Variants in HYDIN observed in about 807,000 individuals in gnomAD.
HYDIN encodes axonemal central pair apparatus protein HYDIN.
A neutral mutation model predicts 403.9 loss-of-function variants in HYDIN; 132 were observed. The ratio of observed to expected loss-of-function variants is 0.33; its 90% CI spans 0.28 to 0.38. HYDIN has a LOEUF of 0.38. Ranked by LOEUF, HYDIN falls within the 10% of genes least tolerant of loss-of-function variation. The probability of loss-of-function intolerance (pLI) is 1.00; values close to 1 mark genes in which losing one functional copy is unlikely to be tolerated. For missense variants in HYDIN, 2,827 were observed against 5,009.5 expected (o/e 0.56, Z 13.15); for synonymous variants, 1,202 against 1,891.7 (o/e 0.64, Z 9.46).
chr16:71,206,812 G>A (rs2088324444), intron 1 of HYDIN, among the ~76,000 whole-genome samples: 1 of 152,200 alleles, frequency 6.6e-6, no homozygotes, highest in African/African-American at 2.4e-5. Flanking sequence ...AGACTAGGCT[G>A]AGGAAAGACT....
At position 71,110,830 on chromosome 16, in the gene HYDIN, C is replaced by A. The variant is rs554978221; in HGVS notation, c.1327+4866G>T. ...GTGGCAGAATAGGGGAATTGCTGCACTTGAAGGATGCAAATGATGTGCATT... is the reference window on the plus strand; with the variant it reads ...GTGGCAGAATAGGGGAATTGCTGCAATTGAAGGATGCAAATGATGTGCATT... On this transcript the variant is annotated intron_variant, in intron 10 of 85. Coordinates refer to ENST00000393567, the MANE Select transcript of HYDIN (RefSeq NM_001270974.2). Among the ~76,000 whole-genome samples the A allele has an allele frequency of 1.1e-4, 13 of 123,016 alleles. No homozygotes were observed. In the East Asian group the frequency reaches 2.9e-3, roughly 28 times the overall value. The allele number at this position is 123,016 out of a possible 152,430, so 80.7% of individuals were successfully genotyped here. A position where few individuals can be genotyped will look rare whatever the true frequency, so the allele number is the denominator to read the frequency against.
rs753239517 is a variant in HYDIN, at chr16:70,952,650, T to C, written c.6317-15A>G. 4 of 1,465,726 alleles carry C rather than the reference T, an allele frequency of 2.7e-6. No homozygotes were observed. Among genetic ancestry groups the C allele is most frequent in the Non-Finnish European group, 2.7e-6 (3 of 1,098,704 alleles). 90.8% of individuals were successfully genotyped at this position (1,465,726 alleles called of 1,614,324 possible). ...TGCCTCCTGGGCTATAAGGAGAGGGTGAATTTTTATTAAAAGTCACCTTAG... is the reference window on the plus strand; with the variant it reads ...TGCCTCCTGGGCTATAAGGAGAGGGCGAATTTTTATTAAAAGTCACCTTAG... On this transcript the variant is annotated splice_polypyrimidine_tract_variant and intron_variant, in intron 40 of 85. Transcript: ENST00000393567.
At chr16:71,171,043 G>A (rs1451420592) in intron 5 of HYDIN, among the ~76,000 whole-genome samples, 1 of 152,166 alleles carries the variant, frequency 6.6e-6, no homozygotes, top group African/African-American at 2.4e-5. Context: ...CACTTTGCAT[G>A]GCTTCTAAGA....
chr16:71,179,158 T>C, intron 3 of HYDIN, 111 bp from the exon 4 acceptor site: 1 of 766,354 alleles, frequency 1.3e-6, no homozygotes, highest in South Asian at 2.3e-5. Context: ...ACATGGGAAA[T>C]ATTCAAAAAG....
chr16:70,974,471 C>G (rs1413604698), intron 32 of HYDIN, 63 bp downstream of exon 32: 22 of 1,411,882 alleles, frequency 1.6e-5, no homozygotes, highest in Non-Finnish European at 2.1e-5. Context: ...GAGGACAGTA[C>G]TGATGGGTTC....
chr16:70,837,171 G>A (rs1271862800), intron 77 of HYDIN, among the ~76,000 whole-genome samples: 1 of 152,162 alleles, frequency 6.6e-6, no homozygotes, highest in East Asian at 1.9e-4. Flanking sequence ...TATCCAGAGT[G>A]CCTCAGTAAA....
chr16:70,869,767 A>T (rs2039988293), intron 65 of HYDIN, among the ~76,000 whole-genome samples: 1 of 151,502 alleles, frequency 6.6e-6, no homozygotes, highest in Non-Finnish European at 1.5e-5. Flanking sequence ...GTAAATTGGT[A>T]CTGGTATAGT....
At chr16:71,181,284 A>G (rs1000699927) in intron 3 of HYDIN, among the ~76,000 whole-genome samples, 1 of 151,782 alleles carries the variant, frequency 6.6e-6, no homozygotes, top group Non-Finnish European at 1.5e-5. Context: ...AATAGACAAG[A>G]TACATTCGAA....
At chr16:71,160,328 C>A in intron 6 of HYDIN, among the ~76,000 whole-genome samples, 1 of 148,336 alleles carries the variant, frequency 6.7e-6, no homozygotes. Flanking sequence ...GGAGACAAGG[C>A]CTCACAATGG....
intron 18 of HYDIN, among the ~76,000 whole-genome samples, chr16:71,048,218 A>T (rs1348835343): frequency 6.6e-6 from 1 of 151,402 alleles, no homozygotes; most frequent in Non-Finnish European, 1.5e-5. Context: ...TATATATATC[A>T]CATTTTCTTT....
intron 37 of HYDIN, among the ~76,000 whole-genome samples, chr16:70,964,233 G>C (rs1267780217): frequency 2.0e-5 from 3 of 149,754 alleles, no homozygotes; most frequent in Non-Finnish European, 4.5e-5. Flanking sequence ...TCTTCTGCTT[G>C]TGTGAATGCC....
rs1303738053 is a variant in HYDIN, at chr16:70,908,886, C to T, written c.8005-25G>A. 5.0e-6 allele frequency: 8 copies of T among 1,608,248 alleles called. No homozygotes were observed. In the African/African-American group the frequency reaches 8.0e-5, roughly 16 times the overall value. ...CCTTAATTAAAAACGAGCATGAGGT[C>T]TTAAATATTCACTTTTTGTACACAC... On this transcript the variant is annotated intron_variant, in intron 47 of 85. Coordinates refer to ENST00000393567, the MANE Select transcript of HYDIN (RefSeq NM_001270974.2).
chr16:70,808,997 A>C (rs2035283752), intron 85 of HYDIN, among the ~76,000 whole-genome samples: 1 of 152,222 alleles, frequency 6.6e-6, no homozygotes, highest in South Asian at 2.1e-4. Context: ...ATTCCAGCTC[A>C]AACTGCTTAT....
intron 52 of HYDIN, among the ~76,000 whole-genome samples, chr16:70,901,507 C>T (rs1010000687): frequency 6.6e-6 from 1 of 151,024 alleles, no homozygotes; most frequent in Non-Finnish European, 1.5e-5. Context: ...CAAGTGAGAA[C>T]ATGGGGTATT....
chr16:71,176,937 C>G (rs1323554469), intron 4 of HYDIN, among the ~76,000 whole-genome samples: 5 of 152,196 alleles, frequency 3.3e-5, no homozygotes, highest in Non-Finnish European at 5.9e-5. Context: ...CCCCAAATCT[C>G]TCCCCATGGT....
chr16:70,917,729 TTTC>T (rs1209036607), intron 47 of HYDIN, among the ~76,000 whole-genome samples: 2 of 137,098 alleles, frequency 1.5e-5, no homozygotes, highest in African/African-American at 5.4e-5. Context: ...CCCATCCTAA[TTTC>T]TTTAATAATT....
At chr16:71,125,979 A>AC (rs1318132099) in intron 9 of HYDIN, among the ~76,000 whole-genome samples, 5 of 150,820 alleles carry the variant, frequency 3.3e-5, no homozygotes, top group African/African-American at 1.2e-4. Context: ...CAGAACATGG[A>AC]CCCCAGTGGA....
At chr16:70,994,278 G>C (rs6499372) in intron 23 of HYDIN, among the ~76,000 whole-genome samples, 395 of 146,454 alleles carry the variant, frequency 2.7e-3, no homozygotes, top group South Asian at 9.7e-3. Flanking sequence ...TGGATGGATG[G>C]ATGGATGGAT....
chr16:71,070,269 C>T (rs60881736), intron 13 of HYDIN, among the ~76,000 whole-genome samples: 197 of 144,646 alleles, frequency 1.4e-3, no homozygotes, highest in African/African-American at 4.5e-3. Context: ...CTTTCTTTCT[C>T]TCTCCTTCCT....
Sources: gnomAD v4.1 joint callset for allele counts (sites outside exome capture counted in the v4.1 genomes callset) on GRCh38, gnomAD v4.1.1 for gene constraint, MANE v1.5 for transcripts, NCBI Gene and HGNC (gene_info 2026-07-23, HGNC 2026-07-21) for gene names.